CCND3: variants seen among roughly 807,000 people sequenced by gnomAD.
The protein encoded by CCND3 is cyclin D3.
Under a neutral mutation model 28.7 loss-of-function variants are expected in CCND3, and 9 were observed. The observed-to-expected ratio is 0.31, with a 90% CI of 0.19 to 0.55. The LOEUF (loss-of-function observed/expected upper bound fraction) is 0.55. Among genes scored for constraint, CCND3 ranks in the 20% least tolerant of loss-of-function variants. The probability of loss-of-function intolerance (pLI) is 0.93; values close to 1 mark genes in which losing one functional copy is unlikely to be tolerated. For synonymous variants in CCND3, 164 were observed against 163.9 expected, an observed-to-expected ratio of 1.00 and a Z score of 0.00; for missense variants, 315 against 385.8, an observed-to-expected ratio of 0.82 and a Z score of 1.54.
intron 1 of CCND3, among the ~76,000 whole-genome samples, chr6:41,981,045 A>C (rs1762331306): frequency 6.6e-6 from 1 of 152,208 alleles, no homozygotes; most frequent in African/African-American, 2.4e-5. Context: ...TAAGAAAAGA[A>C]AATAAAAAGC....
At chr6:42,013,059 T>C (rs1763386117) in intron 1 of CCND3, among the ~76,000 whole-genome samples, 1 of 152,204 alleles carries the variant, frequency 6.6e-6, no homozygotes, top group Admixed American at 6.5e-5. Context: ...CTGGTCCTAT[T>C]GCCTGTTTAG....
At chr6:42,017,302 G>T (rs1405511668) in intron 1 of CCND3, among the ~76,000 whole-genome samples, 1 of 152,214 alleles carries the variant, frequency 6.6e-6, no homozygotes, top group Non-Finnish European at 1.5e-5. Context: ...GAGGGCCCCT[G>T]ATAAACAGCT....
At chr6:41,937,780 C>T in intron 2 of CCND3, 1 of 236,686 alleles carries the variant, frequency 4.2e-6, no homozygotes, top group Non-Finnish European at 8.6e-6. Context: ...GAACTGGGCT[C>T]TCTTCTGGGA....
chr6:41,997,753 C>G (rs1395413266), intron 1 of CCND3, among the ~76,000 whole-genome samples: 1 of 151,988 alleles, frequency 6.6e-6, no homozygotes, highest in Non-Finnish European at 1.5e-5. Context: ...GAGAATCTGG[C>G]TGGATGTGCT....
intron 1 of CCND3, among the ~76,000 whole-genome samples, chr6:41,979,586 C>T (rs897563521): frequency 6.7e-6 from 1 of 148,432 alleles, no homozygotes; most frequent in African/African-American, 2.5e-5. Flanking sequence ...ATTCAAAATA[C>T]CTTCCATTGT....
chr6:42,044,031 G>A (rs1322748977), intron 1 of CCND3, among the ~76,000 whole-genome samples: 4 of 152,206 alleles, frequency 2.6e-5, no homozygotes, highest in African/African-American at 9.6e-5. Context: ...TAGCTACCCT[G>A]CTGGCTCGCA....
At chr6:42,036,415 T>A (rs1764221402) in intron 1 of CCND3, among the ~76,000 whole-genome samples, 1 of 111,700 alleles carries the variant, frequency 9.0e-6, no homozygotes, top group African/African-American at 3.6e-5. Flanking sequence ...TTTTTTTTTT[T>A]TTTTTTTTTT....
chr6:42,025,498 T>A (rs1475385123), intron 1 of CCND3, among the ~76,000 whole-genome samples: 1 of 151,984 alleles, frequency 6.6e-6, no homozygotes, highest in Admixed American at 6.6e-5. Flanking sequence ...TGAAGACATC[T>A]CCCCTCAGCT....
intron 1 of CCND3, among the ~76,000 whole-genome samples, chr6:41,992,308 G>A (rs1762672289): frequency 6.6e-6 from 1 of 150,952 alleles, no homozygotes. Flanking sequence ...GATTACAGGT[G>A]CCTGCCACCA....
chr6:41,953,728 A>G (rs1776371238), intron 1 of CCND3, among the ~76,000 whole-genome samples: 1 of 152,002 alleles, frequency 6.6e-6, no homozygotes, highest in Admixed American at 6.6e-5. Flanking sequence ...CTCCAAACCA[A>G]ATCACGGTAA....
intron 1 of CCND3, among the ~76,000 whole-genome samples, chr6:42,046,357 G>C (rs929254767): frequency 1.3e-5 from 2 of 152,202 alleles, no homozygotes; most frequent in African/African-American, 2.4e-5. Flanking sequence ...GTGGGAAAGA[G>C]AGGTGTGAGC....
chr6:41,956,315 T>TA (rs1366085342), intron 1 of CCND3, among the ~76,000 whole-genome samples: 1 of 151,702 alleles, frequency 6.6e-6, no homozygotes, highest in Admixed American at 6.6e-5. Flanking sequence ...TAAAATAAAA[T>TA]AAATAAATAA....
Position 41,940,494 on chromosome 6 carries a change from G to C in CCND3, c.290C>G (p.Ala97Gly). The C allele has an allele frequency of 6.2e-7, 1 of 1,614,088 alleles. No homozygotes were observed. The highest frequency in any genetic ancestry group is 8.5e-7 in the Non-Finnish European group (1 of 1,179,988). Reference sequence around the variant, plus strand: ...GACCGCACCCAGGAGCTGCAACTGCGCCTTTCGGGTGGGGACGCAAGACAG... The same window carrying C: ...GACCGCACCCAGGAGCTGCAACTGCCCCTTTCGGGTGGGGACGCAAGACAG... ...RYLSCVPTRK[A>G]QLQLLGAVCM... The change falls in exon 2 of 5, where the codon GCG (alanine) becomes GGG (glycine). Residue 97 changes from alanine (A) to glycine (G), a missense_variant. By Grantham distance (60) the Ala-to-Gly change is moderately conservative. Transcript: ENST00000372991.
intron 1 of CCND3, among the ~76,000 whole-genome samples, chr6:42,019,877 A>C (rs1763647921): frequency 6.6e-6 from 1 of 152,208 alleles, no homozygotes; most frequent in Admixed American, 6.5e-5. Context: ...GAAATCACAA[A>C]ATGTAAACCA....
chr6:41,997,408 G>T (rs1358891533), intron 1 of CCND3, among the ~76,000 whole-genome samples: 1 of 152,180 alleles, frequency 6.6e-6, no homozygotes, highest in African/African-American at 2.4e-5. Context: ...GCAGGTGGCA[G>T]AGTGAAGATG....
In CCND3 at chr6:41,935,795, T is replaced by A. The variant is rs1561948343; in HGVS notation, c.*145A>T. 1 of 770,058 alleles carries A rather than the reference T, an allele frequency of 1.3e-6. No homozygotes were observed. Among genetic ancestry groups the A allele is most frequent in the Non-Finnish European group, 2.1e-6 (1 of 467,188 alleles). 47.7% of individuals were successfully genotyped at this position (770,058 alleles called of 1,614,324 possible). ...GGCCCCTTAGTGCACACTGCGGGGATGGGTAGGACCAGATCCCTTGGGCTT... is the reference window on the plus strand; with the variant it reads ...GGCCCCTTAGTGCACACTGCGGGGAAGGGTAGGACCAGATCCCTTGGGCTT... On this transcript the variant is annotated 3_prime_UTR_variant, in exon 5 of 5. Transcript: ENST00000372991.
At chr6:41,992,467 T>TTG (rs1377725235) in intron 1 of CCND3, among the ~76,000 whole-genome samples, 1 of 147,852 alleles carries the variant, frequency 6.8e-6, no homozygotes, top group African/African-American at 2.5e-5. Context: ...CAGCCGGTTT[T>TTG]TTTTTTTTTT....
At chr6:42,025,639 C>T (rs950692985) in intron 1 of CCND3, among the ~76,000 whole-genome samples, 1 of 152,220 alleles carries the variant, frequency 6.6e-6, no homozygotes, top group Non-Finnish European at 1.5e-5. Context: ...TCCTGCACCC[C>T]GGCCGCCCCA....
chr6:41,948,897 A>G (rs887693855), intron 1 of CCND3, among the ~76,000 whole-genome samples: 5 of 152,094 alleles, frequency 3.3e-5, no homozygotes, highest in East Asian at 1.9e-4. Flanking sequence ...CATACACCAC[A>G]TGATAAATGG....
Sources: allele counts gnomAD v4.1 joint callset (sites outside exome capture counted in the v4.1 genomes callset), GRCh38; gene constraint gnomAD v4.1.1; transcripts MANE v1.5; gene names NCBI Gene and HGNC (gene_info 2026-07-23, HGNC 2026-07-21).